The following NDST3 variants were observed in gnomAD, a reference collection of about 807,000 sequenced individuals.
The protein encoded by NDST3 is N-deacetylase and N-sulfotransferase 3.
A neutral mutation model predicts 96.1 loss-of-function variants in NDST3; 58 were observed. The ratio of observed to expected loss-of-function variants is 0.60; its 90% confidence interval spans 0.49 to 0.75. NDST3 has a LOEUF of 0.75. Ranked by LOEUF, NDST3 falls within the 30% of genes least tolerant of loss-of-function variation. NDST3 has a pLI of 0.00. For missense variants in NDST3, 788 were observed against 1,034.2 expected (o/e 0.76, Z 3.27); for synonymous variants, 333 against 359.7 (o/e 0.93, Z 0.84).
chr4:118,148,769 G>T (rs964379625), intron 6 of NDST3, among the ~76,000 whole-genome samples: 2 of 152,060 alleles, frequency 1.3e-5, no homozygotes, highest in Non-Finnish European at 2.9e-5. Context: ...TTGACCTAAT[G>T]GGAAGTTTTA....
intron 1 of NDST3, among the ~76,000 whole-genome samples, chr4:118,049,897 A>G (rs1477749278): frequency 6.6e-6 from 1 of 152,158 alleles, no homozygotes; most frequent in African/African-American, 2.4e-5. Context: ...AGCAAGCATC[A>G]GCCTGATACC....
chr4:118,047,495 G>A (rs567885382), intron 1 of NDST3, among the ~76,000 whole-genome samples: 169 of 152,214 alleles, frequency 1.1e-3, no homozygotes, highest in African/African-American at 3.8e-3. Context: ...CCCAATTCAA[G>A]GAATTTATTT....
At chr4:118,229,980 C>T (rs1361328614) in intron 8 of NDST3, among the ~76,000 whole-genome samples, 1 of 152,082 alleles carries the variant, frequency 6.6e-6, no homozygotes, top group Non-Finnish European at 1.5e-5. Context: ...CTCGCTAATC[C>T]TCATAAAACA....
At chr4:118,184,598 T>TACACA (rs1224356561) in intron 6 of NDST3, among the ~76,000 whole-genome samples, 8 of 101,166 alleles carry the variant, frequency 7.9e-5, no homozygotes, top group Non-Finnish European at 1.5e-4. Context: ...TCTCTCTCTC[T>TACACA]CTCTACACAC....
At chr4:118,116,640 G>A (rs898299492) in intron 4 of NDST3, among the ~76,000 whole-genome samples, 4 of 152,040 alleles carry the variant, frequency 2.6e-5, no homozygotes, top group African/African-American at 7.2e-5. Flanking sequence ...GGCGGATCAC[G>A]AGGTCAGGAG....
intron 6 of NDST3, among the ~76,000 whole-genome samples, chr4:118,146,643 A>G (rs1195366428): frequency 6.6e-6 from 1 of 152,240 alleles, no homozygotes; most frequent in South Asian, 2.1e-4. Flanking sequence ...AGTATCAATC[A>G]AGTGAATTTA....
At chr4:118,153,269 T>C (rs1734519461) in intron 6 of NDST3, among the ~76,000 whole-genome samples, 1 of 152,194 alleles carries the variant, frequency 6.6e-6, no homozygotes, top group South Asian at 2.1e-4. Context: ...TATTGCTCCA[T>C]ACCCACTTGG....
At chr4:118,156,314 C>A (rs1301779157) in intron 6 of NDST3, among the ~76,000 whole-genome samples, 4 of 152,182 alleles carry the variant, frequency 2.6e-5, no homozygotes, top group Admixed American at 6.5e-5. Flanking sequence ...AACCCTCCAG[C>A]TTGATTTCTA....
intron 8 of NDST3, among the ~76,000 whole-genome samples, chr4:118,230,456 T>A (rs1354350417): frequency 1.3e-5 from 2 of 151,894 alleles, no homozygotes; most frequent in Admixed American, 1.3e-4. Flanking sequence ...GCGCCTGTAG[T>A]CCCAGCTACT....
rs1158969225 is a variant in NDST3 at position 118,192,723 on chromosome 4, TTG to T, written c.1540-31766_1540-31765del. Among the ~76,000 whole-genome samples the T allele has an allele frequency of 3.7e-3, 563 of 150,398 alleles. 5 individuals carry two copies. Among genetic ancestry groups the T allele is most frequent in the African/African-American group, 0.013 (533 of 39,816 alleles). On this transcript the variant is annotated intron_variant, in intron 6 of 13. Coordinates refer to ENST00000296499, the MANE Select transcript of NDST3 (RefSeq NM_004784.3). ...ATTTGTTTTTTGTGGGTTTTTTTTT[TTG>T]TTTTTATTGTTTCCACTTTATTGCT...
chr4:118,035,710 T>C (rs758999710), intron 1 of NDST3, among the ~76,000 whole-genome samples: 3 of 151,982 alleles, frequency 2.0e-5, no homozygotes, highest in Non-Finnish European at 4.4e-5. Flanking sequence ...TTTTTCTTTC[T>C]CTGGTTAACA....
At chr4:118,100,305 C>T (rs1465292783) in intron 2 of NDST3, among the ~76,000 whole-genome samples, 1 of 151,944 alleles carries the variant, frequency 6.6e-6, no homozygotes, top group Non-Finnish European at 1.5e-5. Flanking sequence ...GGCTTTCAAA[C>T]TGCCACTTAT....
intron 2 of NDST3, among the ~76,000 whole-genome samples, chr4:118,067,522 T>C (rs1182380955): frequency 6.6e-6 from 1 of 152,130 alleles, no homozygotes; most frequent in Non-Finnish European, 1.5e-5. Context: ...TCCAATAGCA[T>C]TGTCATTTGC....
intron 6 of NDST3, among the ~76,000 whole-genome samples, chr4:118,151,080 C>T (rs1019738086): frequency 4.1e-4 from 63 of 152,108 alleles, no homozygotes; most frequent in Non-Finnish European, 7.3e-4. Flanking sequence ...AGTTCATGTC[C>T]TTTGTAGGGA....
intron 6 of NDST3, among the ~76,000 whole-genome samples, chr4:118,172,149 A>G (rs72913056): frequency 0.015 from 2,289 of 152,290 alleles, 55 homozygotes; most frequent in African/African-American, 0.052. Context: ...TCAAGGTGAT[A>G]TTCTCTAACC....
At chr4:118,070,009 T>TA (rs1359745068) in intron 2 of NDST3, among the ~76,000 whole-genome samples, 1 of 152,124 alleles carries the variant, frequency 6.6e-6, no homozygotes, top group Non-Finnish European at 1.5e-5. Context: ...TAGCACCTGG[T>TA]ACAGTGTTCC....
chr4:118,163,610 G>C (rs1447810006), intron 6 of NDST3, among the ~76,000 whole-genome samples: 1 of 152,096 alleles, frequency 6.6e-6, no homozygotes, highest in Non-Finnish European at 1.5e-5. Context: ...GTGGGGTCGG[G>C]GGAGAGGGGA....
At chr4:118,052,378 A>G (rs1725129330) in intron 1 of NDST3, among the ~76,000 whole-genome samples, 1 of 151,968 alleles carries the variant, frequency 6.6e-6, no homozygotes, top group Non-Finnish European at 1.5e-5. Context: ...ACTGTGGACT[A>G]TTAGAGGGAG....
At chr4:118,119,533 G>C (rs1490845756) in intron 4 of NDST3, among the ~76,000 whole-genome samples, 1 of 152,136 alleles carries the variant, frequency 6.6e-6, no homozygotes, top group Non-Finnish European at 1.5e-5. Flanking sequence ...GGCCACTTTA[G>C]AGTAATTCAA....
Sources: gnomAD v4.1 joint callset for allele counts (sites outside exome capture counted in the v4.1 genomes callset) on GRCh38, gnomAD v4.1.1 for gene constraint, MANE v1.5 for transcripts, NCBI Gene and HGNC (gene_info 2026-07-23, HGNC 2026-07-21) for gene names.